Variants in PDE1A observed in about 807,000 individuals in gnomAD.
PDE1A encodes the protein phosphodiesterase 1A.
PDE1A carries 35 observed loss-of-function variants against 61.7 expected under a neutral mutation model. The observed-to-expected ratio is 0.57, with a 90% CI of 0.43 to 0.75. The LOEUF is 0.75. Among genes scored for constraint, PDE1A ranks in the 30% least tolerant of loss-of-function variants. PDE1A has a pLI of 0.00. For missense variants in PDE1A, 597 were observed against 630.6 expected (o/e 0.95, Z 0.57); for synonymous variants, 232 against 213.2 (o/e 1.09, Z -0.77).
chr2:182,361,201 A>T (rs987408207), intron 1 of PDE1A, among the ~76,000 whole-genome samples: 32 of 152,066 alleles, frequency 2.1e-4, no homozygotes, highest in African/African-American at 7.7e-4. Flanking sequence ...CACTATGAGG[A>T]TTCTGTTATT....
the PDE1A span, among the ~76,000 whole-genome samples, chr2:182,644,072 C>A: frequency 6.9e-6 from 1 of 144,828 alleles, no homozygotes; most frequent in African/African-American, 2.5e-5. Flanking sequence ...CTCTTCATAG[C>A]CTAATTGTCA....
intron 1 of PDE1A, among the ~76,000 whole-genome samples, chr2:182,363,380 G>T (rs1461539785): frequency 1.3e-5 from 2 of 151,698 alleles, no homozygotes; most frequent in Non-Finnish European, 1.5e-5. Flanking sequence ...TAAATACAAT[G>T]AAGTATATGA....
At chr2:182,261,828 A>G (rs986343141) in intron 2 of PDE1A, among the ~76,000 whole-genome samples, 6 of 152,226 alleles carry the variant, frequency 3.9e-5, no homozygotes, top group African/African-American at 1.4e-4. Flanking sequence ...TAGGCAAACC[A>G]GGTAGTTAGC....
At chr2:182,497,235 C>CA (rs1365911248) in intron 2 of PDE1A, among the ~76,000 whole-genome samples, 2 of 152,082 alleles carry the variant, frequency 1.3e-5, no homozygotes, top group Non-Finnish European at 2.9e-5. Flanking sequence ...AAAGAAGTAA[C>CA]AAAATCCAAG....
chr2:182,625,969 C>A, the PDE1A span, among the ~76,000 whole-genome samples: 3 of 152,058 alleles, frequency 2.0e-5, no homozygotes, highest in African/African-American at 7.2e-5. Context: ...TCAAACAATG[C>A]CTATGATCAA....
intron 1 of PDE1A, among the ~76,000 whole-genome samples, chr2:182,418,352 C>T (rs1041907154): frequency 6.6e-6 from 1 of 152,054 alleles, no homozygotes; most frequent in Admixed American, 6.6e-5. Flanking sequence ...TTAGGTGAAA[C>T]GTTTTTACTT....
Position 182,420,956 on chromosome 2 carries a change from C to T in PDE1A, c.53+5622G>A, listed in dbSNP as rs148283657. 6.6e-5 allele frequency among the ~76,000 whole-genome samples: 10 copies of T among 152,222 alleles called. No homozygotes were observed. In the East Asian group the frequency reaches 1.9e-3, roughly 29 times the overall value. On this transcript the variant is annotated intron_variant, in intron 1 of 13. Coordinates refer to ENST00000351439, the Ensembl canonical transcript of PDE1A. ...AAGCTTTCCCATGAGAACTAACTGT[C>T]AAAACTACATTATGTCCAGTCACAG...
intron 2 of PDE1A, among the ~76,000 whole-genome samples, chr2:182,250,078 T>C (rs1237523871): frequency 1.3e-5 from 2 of 152,328 alleles, no homozygotes; most frequent in African/African-American, 4.8e-5. Context: ...ATTGATAAGT[T>C]ATCCTCCACT....
At chr2:182,230,194 C>T (rs930383491) in intron 5 of PDE1A, 48 bp from the exon 6 acceptor site, 1 of 1,450,174 alleles carries the variant, frequency 6.9e-7, no homozygotes, top group Non-Finnish European at 9.6e-7. Context: ...AAAAGTGGTA[C>T]TAAATCAACC....
intron 2 of PDE1A, among the ~76,000 whole-genome samples, chr2:182,432,066 TA>T (rs1447464542): frequency 1.3e-5 from 2 of 152,068 alleles, no homozygotes; most frequent in Non-Finnish European, 2.9e-5. Flanking sequence ...ATCCCTAGAC[TA>T]AAGTCAAAGA....
At chr2:182,579,245 G>A in the PDE1A span, among the ~76,000 whole-genome samples, 9 of 152,172 alleles carry the variant, frequency 5.9e-5, no homozygotes, top group East Asian at 1.5e-3. Context: ...CCCAGCTCTG[G>A]AGTCAGACTG....
chr2:182,421,789 T>C (rs1311059380), intron 1 of PDE1A, among the ~76,000 whole-genome samples: 1 of 152,218 alleles, frequency 6.6e-6, no homozygotes, highest in Non-Finnish European at 1.5e-5. Flanking sequence ...ATGTGTTTAT[T>C]TGTTTTCCTT....
chr2:182,526,495 T>C (rs1461625926), upstream of PDE1A, among the ~76,000 whole-genome samples: 2 of 152,186 alleles, frequency 1.3e-5, no homozygotes, highest in Non-Finnish European at 2.9e-5. Context: ...ATGTAGTCAA[T>C]TTGTGGACAA....
At chr2:182,206,670 G>A (rs1441359513) in intron 7 of PDE1A, among the ~76,000 whole-genome samples, 1 of 152,082 alleles carries the variant, frequency 6.6e-6, no homozygotes, top group Non-Finnish European at 1.5e-5. Context: ...TGCTGATATG[G>A]TTTGGCTCTG....
chr2:182,585,251 G>C, the PDE1A span, among the ~76,000 whole-genome samples: 3 of 152,124 alleles, frequency 2.0e-5, no homozygotes, highest in Non-Finnish European at 2.9e-5. Context: ...AATTAGATTC[G>C]TGATAGCAAC....
chr2:182,703,840 T>C, the PDE1A span, among the ~76,000 whole-genome samples: 1 of 152,162 alleles, frequency 6.6e-6, no homozygotes, highest in African/African-American at 2.4e-5. Context: ...TAAATAAGGT[T>C]CCAGCTCTGG....
the PDE1A span, among the ~76,000 whole-genome samples, chr2:182,548,993 T>G: frequency 6.6e-6 from 1 of 152,188 alleles, no homozygotes; most frequent in Non-Finnish European, 1.5e-5. Flanking sequence ...GCTTAGAGTA[T>G]GCAGTGAAGG....
chr2:182,508,223 T>G (rs1689541476), intron 2 of PDE1A, among the ~76,000 whole-genome samples: 1 of 151,820 alleles, frequency 6.6e-6, no homozygotes. Flanking sequence ...ATTACTAACA[T>G]AAGGCATATA....
At chr2:182,422,144 A>T (rs1204522348) in intron 1 of PDE1A, among the ~76,000 whole-genome samples, 3 of 152,174 alleles carry the variant, frequency 2.0e-5, no homozygotes, top group Non-Finnish European at 2.9e-5. Flanking sequence ...ACTTGTTCTC[A>T]ATTACAGGCC....
Sources: gnomAD v4.1 joint callset for allele counts (sites outside exome capture counted in the v4.1 genomes callset) on GRCh38, gnomAD v4.1.1 for gene constraint, MANE v1.5 for transcripts, NCBI Gene and HGNC (gene_info 2026-07-23, HGNC 2026-07-21) for gene names.